HDAC9: variants seen among roughly 807,000 people sequenced by gnomAD.
HDAC9 encodes the protein histone deacetylase 9, also known as MEF-2 interacting transcription repressor (MITR) protein.
HDAC9 carries 41 observed loss-of-function variants against 139.4 expected under a neutral mutation model. That is an observed-to-expected ratio of 0.29 (90% confidence interval 0.23 to 0.38). The LOEUF (loss-of-function observed/expected upper bound fraction) is 0.38. Ranked by LOEUF, HDAC9 falls within the 10% of genes least tolerant of loss-of-function variation. The probability of loss-of-function intolerance (pLI) is 1.00; values close to 1 mark genes in which losing one functional copy is unlikely to be tolerated. For missense variants in HDAC9, 1,147 were observed against 1,297.0 expected, an observed-to-expected ratio of 0.88 and a Z score of 1.78; for synonymous variants, 517 against 476.2, an observed-to-expected ratio of 1.09 and a Z score of -1.12.
chr7:18,712,736 G>T (rs1362884477), intron 12 of HDAC9, among the ~76,000 whole-genome samples: 1 of 152,056 alleles, frequency 6.6e-6, no homozygotes, highest in Admixed American at 6.5e-5. Flanking sequence ...TATTTATATT[G>T]CTTATTGAGC....
intron 13 of HDAC9, among the ~76,000 whole-genome samples, chr7:18,739,058 T>C (rs889710550): frequency 6.6e-6 from 1 of 152,236 alleles, no homozygotes; most frequent in Non-Finnish European, 1.5e-5. Flanking sequence ...AAATCAGCTA[T>C]TGAAGCTTGT....
intron 2 of HDAC9, 60 bp from the exon 3 acceptor site, chr7:18,585,221 T>C (rs1829088301): frequency 6.4e-7 from 1 of 1,571,214 alleles, no homozygotes; most frequent in Non-Finnish European, 8.7e-7. Context: ...ATCAATGTGC[T>C]AATTTCCAAT....
At chr7:18,491,524 A>T (rs1796366422), upstream of HDAC9, among the ~76,000 whole-genome samples, 1 of 152,024 alleles carries the variant, frequency 6.6e-6, no homozygotes, top group African/African-American at 2.4e-5. Flanking sequence ...GGCAAGATGG[A>T]TCAAAAAATT....
intron 2 of HDAC9, among the ~76,000 whole-genome samples, chr7:18,550,392 T>C (rs966729987): frequency 1.3e-5 from 2 of 152,158 alleles, no homozygotes; most frequent in African/African-American, 4.8e-5. Flanking sequence ...ATTTAATGAG[T>C]GTTTAGTATG....
intron 22 of HDAC9, among the ~76,000 whole-genome samples, chr7:18,921,807 A>T (rs1803760598): frequency 6.6e-6 from 1 of 152,166 alleles, no homozygotes; most frequent in South Asian, 2.1e-4. Flanking sequence ...TATTCACAAT[A>T]GCAAAGACTT....
At chr7:18,596,524 G>C (rs533391502) in intron 6 of HDAC9, among the ~76,000 whole-genome samples, 2 of 152,058 alleles carry the variant, frequency 1.3e-5, no homozygotes, top group Non-Finnish European at 2.9e-5. Context: ...GTATTTCAGT[G>C]ACTCAAAAGT....
chr7:18,581,924 T>A (rs1300098106), intron 2 of HDAC9, among the ~76,000 whole-genome samples: 1 of 152,330 alleles, frequency 6.6e-6, no homozygotes, highest in South Asian at 2.1e-4. Context: ...CATTTATAAA[T>A]TATTTTCCCA....
intron 2 of HDAC9, among the ~76,000 whole-genome samples, chr7:18,540,103 C>CAAA (rs34620445): frequency 1.9e-4 from 11 of 58,418 alleles, no homozygotes; most frequent in East Asian, 9.2e-4. Context: ...ACTAAAAATA[C>CAAA]AAAAAAAAAA....
intron 1 of HDAC9, among the ~76,000 whole-genome samples, chr7:18,134,532 A>C (rs916238335): frequency 1.3e-5 from 2 of 152,178 alleles, no homozygotes; most frequent in African/African-American, 4.8e-5. Context: ...ACTTCATATG[A>C]ATTTTTAAAG....
intron 2 of HDAC9, among the ~76,000 whole-genome samples, chr7:18,180,266 C>T (rs1416785166): frequency 1.3e-5 from 2 of 149,700 alleles, no homozygotes; most frequent in African/African-American, 4.9e-5. Flanking sequence ...CACACACACA[C>T]ACACACACCA....
intron 1 of HDAC9, among the ~76,000 whole-genome samples, chr7:18,089,209 ATTT>A (rs11463784): frequency 6.7e-6 from 1 of 149,410 alleles, no homozygotes; most frequent in Admixed American, 6.7e-5. Flanking sequence ...TAGGAGACAG[ATTT>A]TTTTTTTTAA....
intron 2 of HDAC9, among the ~76,000 whole-genome samples, chr7:18,255,367 A>G (rs556238378): frequency 1.2e-4 from 18 of 152,294 alleles, no homozygotes; most frequent in South Asian, 4.2e-4. Flanking sequence ...TGAGGAAGGA[A>G]GTTTTTCATT....
chr7:18,541,175 A>G (rs1563204327), intron 2 of HDAC9, among the ~76,000 whole-genome samples: 1 of 66,450 alleles, frequency 1.5e-5, no homozygotes, highest in East Asian at 4.9e-4. Context: ...TTCTGATTGA[A>G]AATACAACTG....
intron 2 of HDAC9, among the ~76,000 whole-genome samples, chr7:18,266,161 T>G (rs1236055414): frequency 6.6e-6 from 1 of 152,202 alleles, no homozygotes; most frequent in Admixed American, 6.5e-5. Flanking sequence ...TCATTGTACA[T>G]TATCTAACAA....
chr7:18,237,265 G>T (rs1793883489), intron 2 of HDAC9, among the ~76,000 whole-genome samples: 1 of 152,166 alleles, frequency 6.6e-6, no homozygotes, highest in African/African-American at 2.4e-5. Flanking sequence ...TTTAGGCTGT[G>T]TTGAGTATTT....
intron 2 of HDAC9, among the ~76,000 whole-genome samples, chr7:18,516,661 G>A (rs1803293439): frequency 1.3e-5 from 2 of 152,082 alleles, no homozygotes; most frequent in African/African-American, 4.8e-5. Context: ...GGAGTTTTGA[G>A]AACAGCCTGG....
chr7:18,732,722 C>CACACGTGTATGTGTGCGTATGTGT (rs1562892275), intron 13 of HDAC9, among the ~76,000 whole-genome samples: 4 of 99,732 alleles, frequency 4.0e-5, no homozygotes, highest in African/African-American at 1.5e-4. Flanking sequence ...TATGTGTACA[C>CACACGTGTATGTGTGCGTATGTGT]ACACACACGT....
chr7:18,249,502 C>CAAAA (rs3058733), intron 2 of HDAC9, among the ~76,000 whole-genome samples: 10 of 58,570 alleles, frequency 1.7e-4, no homozygotes, highest in South Asian at 6.5e-4. Context: ...GACTCTGTCT[C>CAAAA]AAAAAAAAAA....
At chr7:18,422,333 G>A (rs1172404013) in intron 1 of HDAC9, among the ~76,000 whole-genome samples, 2 of 152,128 alleles carry the variant, frequency 1.3e-5, no homozygotes. Flanking sequence ...AGAAAGACTA[G>A]AAAGGAGAAG....
Sources: gnomAD v4.1 joint callset for allele counts (sites outside exome capture counted in the v4.1 genomes callset) on GRCh38, gnomAD v4.1.1 for gene constraint, MANE v1.5 for transcripts, NCBI Gene and HGNC (gene_info 2026-07-23, HGNC 2026-07-21) for gene names.